Variants in UBAC2 observed in about 807,000 individuals in gnomAD.
UBAC2 encodes the protein UBA domain containing 2.
Under a neutral mutation model 44.0 loss-of-function variants are expected in UBAC2, and 26 were observed. The observed-to-expected ratio is 0.59, with a 90% CI of 0.43 to 0.82. UBAC2 has a LOEUF of 0.82. UBAC2 is among the 40% of genes least tolerant of loss of function. The probability of loss-of-function intolerance (pLI) is 0.00; values close to 1 mark genes in which losing one functional copy is unlikely to be tolerated. For synonymous variants in UBAC2, 155 were observed against 154.3 expected (o/e 1.00, Z -0.04); for missense variants, 329 against 419.4 (o/e 0.78, Z 1.88).
intron 7 of UBAC2, among the ~76,000 whole-genome samples, chr13:99,343,753 G>A (rs146020941): frequency 4.2e-4 from 64 of 152,332 alleles, no homozygotes; most frequent in African/African-American, 1.5e-3. Context: ...TCACTCAGCT[G>A]TGTCTCAGTT....
At chr13:99,230,434 A>C (rs2043159507) in intron 1 of UBAC2, among the ~76,000 whole-genome samples, 1 of 152,126 alleles carries the variant, frequency 6.6e-6, no homozygotes, top group South Asian at 2.1e-4. Context: ...ACGCCACTGC[A>C]CTCCAGCCTG....
chr13:99,208,933 G>A (rs181029153), intron 1 of UBAC2, among the ~76,000 whole-genome samples: 1 of 152,236 alleles, frequency 6.6e-6, no homozygotes, highest in Non-Finnish European at 1.5e-5. Flanking sequence ...AGTTTATTTT[G>A]GTGACTCCTC....
At chr13:99,353,519 ACAAG>A (rs1319244918) in intron 7 of UBAC2, among the ~76,000 whole-genome samples, 2 of 152,240 alleles carry the variant, frequency 1.3e-5, no homozygotes, top group Non-Finnish European at 2.9e-5. Context: ...ACCTCAGAAA[ACAAG>A]CAAATGATGA....
chr13:99,322,310 G>T (rs772314647), intron 6 of UBAC2, among the ~76,000 whole-genome samples: 4 of 152,102 alleles, frequency 2.6e-5, no homozygotes, highest in Non-Finnish European at 4.4e-5. Context: ...TTGTGGTTCT[G>T]CAGAGAGCTT....
intron 1 of UBAC2, among the ~76,000 whole-genome samples, chr13:99,234,204 A>ATGGAGTC (rs2043209276): frequency 2.3e-5 from 2 of 88,188 alleles, no homozygotes; most frequent in Non-Finnish European, 4.0e-5. Flanking sequence ...TTTTTTTGAG[A>ATGGAGTC]TGGAGTCTCA....
intron 7 of UBAC2, among the ~76,000 whole-genome samples, chr13:99,341,108 A>G (rs1053211942): frequency 6.6e-6 from 1 of 152,214 alleles, no homozygotes; most frequent in Non-Finnish European, 1.5e-5. Context: ...CATCCAAACA[A>G]TCTGATACTA....
intron 4 of UBAC2, among the ~76,000 whole-genome samples, chr13:99,287,603 G>T (rs1166361168): frequency 6.8e-6 from 1 of 147,788 alleles, no homozygotes; most frequent in African/African-American, 2.5e-5. Flanking sequence ...TGTAACAAGA[G>T]TAAGGAAAAA....
chr13:99,296,949 T>C (rs141547707), intron 4 of UBAC2, among the ~76,000 whole-genome samples: 3 of 152,320 alleles, frequency 2.0e-5, no homozygotes, highest in Non-Finnish European at 4.4e-5. Context: ...GTAGCAAGCA[T>C]CACACTTTAT....
intron 7 of UBAC2, among the ~76,000 whole-genome samples, chr13:99,363,723 T>C (rs1387273175): frequency 6.6e-6 from 1 of 152,226 alleles, no homozygotes; most frequent in Non-Finnish European, 1.5e-5. Flanking sequence ...GTCACACGTA[T>C]ATACACACCC....
intron 4 of UBAC2, among the ~76,000 whole-genome samples, chr13:99,278,577 G>C (rs549746045): frequency 3.3e-5 from 5 of 152,230 alleles, no homozygotes; most frequent in South Asian, 4.1e-4. Context: ...AAAATGATCA[G>C]TGTCTTTAAA....
chr13:99,310,265 T>C lies in UBAC2; in HGVS notation c.390-3832T>C, dbSNP rs372667220. On this transcript the variant is annotated intron_variant, in intron 4 of 8. Transcript: ENST00000403766. ...TTGCTTGAGCCTAGGAATTAGAGGC[T>C]ACAGTGAGCCGTGATTATGCCACTG... 1.4e-3 allele frequency among the ~76,000 whole-genome samples: 215 copies of C among 152,334 alleles called. 2 individuals carry two copies. The highest frequency in any genetic ancestry group is 5.0e-3 in the African/African-American group (206 of 41,582).
intron 4 of UBAC2, among the ~76,000 whole-genome samples, chr13:99,285,207 C>T (rs943742645): frequency 2.0e-5 from 3 of 151,948 alleles, no homozygotes; most frequent in African/African-American, 7.3e-5. Context: ...TGGAAATGCC[C>T]TTTTACATTT....
chr13:99,298,141 A>G (rs1324758826), intron 4 of UBAC2, among the ~76,000 whole-genome samples: 2 of 152,204 alleles, frequency 1.3e-5, no homozygotes, highest in African/African-American at 2.4e-5. Context: ...ACACATTTCT[A>G]TTATGATGTG....
rs377177547 is a variant in UBAC2, at chr13:99,283,157, A to G, written c.390-30940A>G. On this transcript the variant is annotated intron_variant, in intron 4 of 8. Transcript: ENST00000403766. ...CTTTACAGTTCTCTCTCCTAAAATTATTTTGTTTACTTACTTAATGTTTAA... is the reference window on the plus strand; with the variant it reads ...CTTTACAGTTCTCTCTCCTAAAATTGTTTTGTTTACTTACTTAATGTTTAA... Among the ~76,000 whole-genome samples, 210 of 152,276 alleles carry G rather than the reference A, an allele frequency of 1.4e-3. 2 individuals carry two copies. Among genetic ancestry groups the G allele is most frequent in the African/African-American group, 4.9e-3 (205 of 41,560 alleles).
chr13:99,370,299 CAG>C (rs1184584200), intron 8 of UBAC2, among the ~76,000 whole-genome samples: 3 of 152,224 alleles, frequency 2.0e-5, no homozygotes, highest in Admixed American at 6.5e-5. Context: ...GTGACAGAGA[CAG>C]AGAGAGAAAG....
chr13:99,207,509 C>A (rs550225978), intron 1 of UBAC2, among the ~76,000 whole-genome samples: 111 of 152,282 alleles, frequency 7.3e-4, no homozygotes, highest in African/African-American at 2.6e-3. Context: ...CACTTTTTAG[C>A]CTTGTGCAAT....
At chr13:99,217,961 C>T (rs2043016016) in intron 1 of UBAC2, among the ~76,000 whole-genome samples, 1 of 152,198 alleles carries the variant, frequency 6.6e-6, no homozygotes, top group South Asian at 2.1e-4. Context: ...ACTAACCACG[C>T]ATTTCCCCAC....
At position 99,205,695 on chromosome 13, in the gene UBAC2, T is replaced by C. The variant is rs187953556; in HGVS notation, c.31+4756T>C. Reference sequence around the variant, plus strand: ...TGCGCTGATGAGAGAAGATAGAAGATAGAAGGATTCTTGGATGTGAGGGCG... The same window carrying C: ...TGCGCTGATGAGAGAAGATAGAAGACAGAAGGATTCTTGGATGTGAGGGCG... On this transcript the variant is annotated intron_variant, in intron 1 of 8. Transcript: ENST00000403766. 628 of 156,106 alleles carry C rather than the reference T, an allele frequency of 4.0e-3. 3 individuals are homozygous for C. The highest frequency in any genetic ancestry group is 0.03 in the South Asian group (147 of 4,824). The allele number at this position is 156,106 out of a possible 1,614,324, so 9.7% of individuals were successfully genotyped here.
At chr13:99,341,023 T>TAAA (rs3031415) in intron 7 of UBAC2, among the ~76,000 whole-genome samples, 9 of 151,690 alleles carry the variant, frequency 5.9e-5, no homozygotes, top group African/African-American at 9.7e-5. Context: ...AAGGAGTAGA[T>TAAA]AAAAAAAAAT....
Sources: allele counts gnomAD v4.1 joint callset (sites outside exome capture counted in the v4.1 genomes callset), GRCh38; gene constraint gnomAD v4.1.1; transcripts MANE v1.5; gene names NCBI Gene and HGNC (gene_info 2026-07-23, HGNC 2026-07-21).